MSH3: variants seen among roughly 807,000 people sequenced by gnomAD.
The protein encoded by MSH3 is mutS homolog 3.
A neutral mutation model predicts 123.3 loss-of-function variants in MSH3; 106 were observed. The ratio of observed to expected loss-of-function variants is 0.86; its 90% CI spans 0.73 to 1.01. The LOEUF (loss-of-function observed/expected upper bound fraction) is 1.01, where lower values mean the gene tolerates loss of function less well. MSH3 is among the 50% of genes least tolerant of loss of function. The pLI, the probability that MSH3 is intolerant of heterozygous loss-of-function variation, is 0.00. For synonymous variants in MSH3, 515 were observed against 481.4 expected (o/e 1.07, Z -0.91); for missense variants, 1,459 against 1,347.6 (o/e 1.08, Z -1.29).
intron 9 of MSH3, 51 bp downstream of exon 9, chr5:80,725,616 T>TA: frequency 8.0e-7 from 1 of 1,257,492 alleles, no homozygotes; most frequent in Non-Finnish European, 1.2e-6. Context: ...GAAATTTGGA[T>TA]AAAGGTATTA....
chr5:80,762,433 GTA>G (rs910000929), intron 13 of MSH3, among the ~76,000 whole-genome samples: 1 of 151,316 alleles, frequency 6.6e-6, no homozygotes, highest in South Asian at 2.1e-4. Context: ...ATATGTGTGT[GTA>G]TATATATATG....
chr5:80,776,295 T>C (rs1744297765), intron 16 of MSH3, among the ~76,000 whole-genome samples: 1 of 152,242 alleles, frequency 6.6e-6, no homozygotes, highest in Non-Finnish European at 1.5e-5. Flanking sequence ...ATTTATTTTC[T>C]TGTTTTGTAA....
In MSH3 at chr5:80,665,358, C is replaced by A; in HGVS notation, c.574C>A (p.Gln192Lys). Residue 192 changes from glutamine to lysine, a missense_variant, in exon 3 of 24, where the codon CAA becomes AAA. Coordinates refer to ENST00000265081, the MANE Select transcript of MSH3 (RefSeq NM_002439.5). Reference sequence around the variant, plus strand: ...TGAAGATTCGAAACGTCAAATTAATCAAAAGGTATGTAACTGCTATAGATG... The same window carrying A: ...TGAAGATTCGAAACGTCAAATTAATAAAAAGGTATGTAACTGCTATAGATG... ...SSEDSKRQIN[Q>K]KDTTLFDLSQ... 1 of 1,609,846 alleles carries A rather than the reference C, an allele frequency of 6.2e-7. No homozygotes were observed. Among genetic ancestry groups the A allele is most frequent in the South Asian group, 1.1e-5 (1 of 90,788 alleles).
intron 12 of MSH3, among the ~76,000 whole-genome samples, 197 bp from the exon 13 acceptor site, chr5:80,761,349 G>T (rs1160040989): frequency 6.6e-6 from 1 of 152,144 alleles, no homozygotes; most frequent in Non-Finnish European, 1.5e-5. Context: ...CTCCACCCCA[G>T]TGCACCCTCC....
At chr5:80,745,960 TTTC>T (rs1039110400) in intron 12 of MSH3, among the ~76,000 whole-genome samples, 6 of 152,210 alleles carry the variant, frequency 3.9e-5, no homozygotes, top group Non-Finnish European at 5.9e-5. Flanking sequence ...TTGCTGTTGT[TTTC>T]TTCTTTTTCT....
At chr5:80,845,237 C>T (rs560528353) in intron 20 of MSH3, among the ~76,000 whole-genome samples, 4 of 152,232 alleles carry the variant, frequency 2.6e-5, no homozygotes, top group African/African-American at 9.6e-5. Flanking sequence ...CCCCCACTCT[C>T]TTCTGGCTTG....
At chr5:80,729,923 A>G (rs1485132779) in intron 10 of MSH3, among the ~76,000 whole-genome samples, 1 of 152,134 alleles carries the variant, frequency 6.6e-6, no homozygotes, top group Non-Finnish European at 1.5e-5. Flanking sequence ...GAGGGGAGAT[A>G]GGTGCTATCT....
Position 80,743,712 on chromosome 5 carries a change from C to T in MSH3, c.1654-794C>T, listed in dbSNP as rs1365496230. 3.9e-5 allele frequency among the ~76,000 whole-genome samples: 2 copies of T among 51,328 alleles called. 1 individual carries two copies. The highest frequency in any genetic ancestry group is 7.4e-5 in the Non-Finnish European group (2 of 26,924). The allele number at this position is 51,328 out of a possible 152,430, so 33.7% of individuals were successfully genotyped here. On this transcript the variant is annotated intron_variant, in intron 11 of 23. Coordinates refer to ENST00000265081, the MANE Select transcript of MSH3 (RefSeq NM_002439.5). ...ACAAAAAATTAGCCGGGCGTGGTGG[C>T]GGGCGCCTGTAGTCCCAGCTACTCG...
intron 10 of MSH3, among the ~76,000 whole-genome samples, chr5:80,732,705 A>G (rs2112860991): frequency 6.6e-6 from 1 of 152,288 alleles, no homozygotes; most frequent in African/African-American, 2.4e-5. Context: ...TGACTATTGG[A>G]TTTATTTCGG....
chr5:80,806,188 T>A (rs916902321), intron 19 of MSH3, among the ~76,000 whole-genome samples: 28 of 152,176 alleles, frequency 1.8e-4, no homozygotes, highest in Non-Finnish European at 2.6e-4. Context: ...AACCTCCGCC[T>A]CCCAGGTTCA....
At chr5:80,727,828 G>T (rs1052765143) in intron 9 of MSH3, among the ~76,000 whole-genome samples, 4 of 152,046 alleles carry the variant, frequency 2.6e-5, no homozygotes, top group Admixed American at 2.6e-4. Flanking sequence ...CAGGGGAGTG[G>T]GTTGAACTTT....
intron 21 of MSH3, among the ~76,000 whole-genome samples, chr5:80,855,323 C>T (rs1323648183): frequency 6.6e-6 from 1 of 151,948 alleles, no homozygotes; most frequent in African/African-American, 2.4e-5. Context: ...CCTTAAATAG[C>T]CAATAAAATC....
At chr5:80,726,025 A>G (rs1743298066) in intron 9 of MSH3, among the ~76,000 whole-genome samples, 1 of 152,248 alleles carries the variant, frequency 6.6e-6, no homozygotes, top group Non-Finnish European at 1.5e-5. Context: ...GATGATAAAT[A>G]TTCTGATGAA....
At chr5:80,670,744 G>T (rs10042193) in intron 4 of MSH3, among the ~76,000 whole-genome samples, 1 of 152,134 alleles carries the variant, frequency 6.6e-6, no homozygotes, top group Non-Finnish European at 1.5e-5. Context: ...GGAAGAACAC[G>T]TGAACTTTAC....
intron 17 of MSH3, among the ~76,000 whole-genome samples, chr5:80,780,753 C>G (rs1013663329): frequency 6.6e-6 from 1 of 152,020 alleles, no homozygotes; most frequent in African/African-American, 2.4e-5. Context: ...TGTAATCCCA[C>G]GTAACTCAGT....
At chr5:80,740,389 ACT>A (rs1008735189) in intron 10 of MSH3, among the ~76,000 whole-genome samples, 24 of 146,594 alleles carry the variant, frequency 1.6e-4, no homozygotes, top group African/African-American at 6.0e-4. Flanking sequence ...ACGGAGTCAC[ACT>A]CTGTCACCCG....
intron 20 of MSH3, among the ~76,000 whole-genome samples, chr5:80,847,776 T>C (rs1745749874): frequency 1.3e-5 from 2 of 152,262 alleles, no homozygotes; most frequent in South Asian, 4.1e-4. Flanking sequence ...TTTTATGTCA[T>C]TACCTTTGTT....
intron 22 of MSH3, among the ~76,000 whole-genome samples, chr5:80,872,326 G>A (rs1397331594): frequency 6.6e-6 from 1 of 151,840 alleles, no homozygotes; most frequent in Non-Finnish European, 1.5e-5. Context: ...AATTAGCTAG[G>A]TGTGGTAGTA....
At chr5:80,810,818 G>T (rs192250562) in intron 19 of MSH3, among the ~76,000 whole-genome samples, 82 of 152,100 alleles carry the variant, frequency 5.4e-4, no homozygotes, top group Non-Finnish European at 1.1e-3. Flanking sequence ...CATTTTGTTA[G>T]ATTTATTCCT....
Sources: gnomAD v4.1 joint callset for allele counts (sites outside exome capture counted in the v4.1 genomes callset) on GRCh38, gnomAD v4.1.1 for gene constraint, MANE v1.5 for transcripts, NCBI Gene and HGNC (gene_info 2026-07-23, HGNC 2026-07-21) for gene names.